Variants in SLC71A1 observed in about 807,000 individuals in gnomAD.
SLC71A1 encodes the protein hippocampus abundant gene transcript 1.
the SLC71A1 span, chr1:100,043,206 A>G: frequency 2.1e-6 from 2 of 974,806 alleles, no homozygotes; most frequent in African/African-American, 3.5e-5. Context: ...AAGTTTAAGT[A>G]AAAAAATGAA....
chr1:100,045,803 A>C, the SLC71A1 span, among the ~76,000 whole-genome samples: 1 of 145,086 alleles, frequency 6.9e-6, no homozygotes, highest in Non-Finnish European at 1.5e-5. Flanking sequence ...TGACGGGGAG[A>C]CTCTGTCTCA....
chr1:100,046,043 C>A, the SLC71A1 span, among the ~76,000 whole-genome samples: 1 of 151,950 alleles, frequency 6.6e-6, no homozygotes, highest in Non-Finnish European at 1.5e-5. Flanking sequence ...ATGTATACTT[C>A]GGTGCCGTTG....
chr1:100,061,722 G>A, the SLC71A1 span: 1 of 695,912 alleles, frequency 1.4e-6, no homozygotes, highest in Non-Finnish European at 2.6e-6. Flanking sequence ...AACTATCCTA[G>A]TAAGCTGTTG....
the SLC71A1 span, among the ~76,000 whole-genome samples, chr1:100,073,091 G>T: frequency 6.6e-6 from 1 of 152,072 alleles, no homozygotes; most frequent in African/African-American, 2.4e-5. Flanking sequence ...AAGCCTTAGC[G>T]ACATTCATGA....
chr1:100,066,002 G>C, the SLC71A1 span, among the ~76,000 whole-genome samples: 31 of 152,212 alleles, frequency 2.0e-4, no homozygotes, highest in Non-Finnish European at 2.9e-5. Flanking sequence ...AGTGTTTCCT[G>C]CTGTCACATC....
At chr1:100,055,293 C>G in the SLC71A1 span, among the ~76,000 whole-genome samples, 1 of 150,816 alleles carries the variant, frequency 6.6e-6, no homozygotes, top group Non-Finnish European at 1.5e-5. Context: ...AAATCTTATC[C>G]TTTAGCACAA....
the SLC71A1 span, among the ~76,000 whole-genome samples, chr1:100,072,400 T>C: frequency 2.6e-5 from 4 of 152,172 alleles, no homozygotes; most frequent in African/African-American, 9.7e-5. Context: ...ATCTCCATCA[T>C]TGTACAGAAT....
At chr1:100,048,078 G>A in the SLC71A1 span, among the ~76,000 whole-genome samples, 58 of 152,162 alleles carry the variant, frequency 3.8e-4, no homozygotes, top group East Asian at 0.011. Context: ...AAAAAAATTA[G>A]CATGCTTTAA....
chr1:100,068,356 A>G, the SLC71A1 span: 5 of 924,960 alleles, frequency 5.4e-6, no homozygotes, highest in Admixed American at 1.2e-4. Flanking sequence ...AAATAAATAA[A>G]AAGGACAACT....
At chr1:100,056,698 A>G in the SLC71A1 span, among the ~76,000 whole-genome samples, 1 of 152,218 alleles carries the variant, frequency 6.6e-6, no homozygotes, top group East Asian at 1.9e-4. Context: ...TTGGAGGGGT[A>G]TATACCTAGT....
At chr1:100,048,943 T>G in the SLC71A1 span, among the ~76,000 whole-genome samples, 53 of 152,330 alleles carry the variant, frequency 3.5e-4, no homozygotes, top group African/African-American at 1.2e-3. Context: ...GCTAAACACT[T>G]GGAAGTTGTT....
the SLC71A1 span, among the ~76,000 whole-genome samples, chr1:100,076,932 G>C: frequency 8.5e-5 from 13 of 152,100 alleles, no homozygotes; most frequent in African/African-American, 3.1e-4. Flanking sequence ...GAAATGTACT[G>C]AATAGGAAGT....
chr1:100,078,745 A>C, the SLC71A1 span: 1 of 489,150 alleles, frequency 2.0e-6, no homozygotes. Context: ...CTCACTTAGA[A>C]TATGTGGCTT....
chr1:100,038,127 G>A, the SLC71A1 span: 1 of 977,418 alleles, frequency 1.0e-6, no homozygotes, highest in Non-Finnish European at 1.6e-6. Flanking sequence ...ATGGCGGCGG[G>A]CGCCCAGAGC....
chr1:100,082,449 T>A, the SLC71A1 span: 4 of 505,696 alleles, frequency 7.9e-6, no homozygotes, highest in Non-Finnish European at 1.4e-5. Flanking sequence ...GCCACTAAGC[T>A]ATTTGTTTTA....
the SLC71A1 span, among the ~76,000 whole-genome samples, chr1:100,051,961 C>T: frequency 5.9e-5 from 9 of 152,098 alleles, no homozygotes; most frequent in African/African-American, 2.2e-4. Flanking sequence ...ATGAGGAAAC[C>T]GGGGCTTAGA....
At chr1:100,042,987 ATTACTTAG>A in the SLC71A1 span, 17 of 510,952 alleles carry the variant, frequency 3.3e-5, no homozygotes, top group South Asian at 1.4e-3. Flanking sequence ...AGCATCATTA[ATTACTTAG>A]CTCCTTACCT....
At chr1:100,063,081 TC>T in the SLC71A1 span, among the ~76,000 whole-genome samples, 1 of 152,208 alleles carries the variant, frequency 6.6e-6, no homozygotes, top group African/African-American at 2.4e-5. Flanking sequence ...TGAGTATAGT[TC>T]AGTGAATTTT....
chr1:100,052,332 G>T, the SLC71A1 span, among the ~76,000 whole-genome samples: 1 of 151,954 alleles, frequency 6.6e-6, no homozygotes, highest in Non-Finnish European at 1.5e-5. Flanking sequence ...TGGACAAAGG[G>T]AGGCTATCTT....
Sources: allele counts gnomAD v4.1 joint callset (sites outside exome capture counted in the v4.1 genomes callset), GRCh38; gene constraint gnomAD v4.1.1; transcripts MANE v1.5; gene names NCBI Gene and HGNC (gene_info 2026-07-23, HGNC 2026-07-21).